PDE1C: variants seen among roughly 807,000 people sequenced by gnomAD.
The protein encoded by PDE1C is dual specificity calcium/calmodulin-dependent 3',5'-cyclic nucleotide phosphodiesterase 1C.
In PDE1C, 62 loss-of-function variants were observed where a neutral mutation model predicts 93.1. The ratio of observed to expected loss-of-function variants is 0.67; its 90% CI spans 0.54 to 0.82. PDE1C has a LOEUF of 0.82. Ranked by LOEUF, PDE1C falls within the 40% of genes least tolerant of loss-of-function variation. The pLI, the probability that PDE1C is intolerant of heterozygous loss-of-function variation, is 0.00. For synonymous variants in PDE1C, 325 were observed against 310.1 expected (o/e 1.05, Z -0.50); for missense variants, 742 against 884.6 (o/e 0.84, Z 2.04).
chr7:32,148,985 A>T (rs1271140660), intron 3 of PDE1C, among the ~76,000 whole-genome samples: 2 of 152,250 alleles, frequency 1.3e-5, no homozygotes, highest in African/African-American at 4.8e-5. Context: ...AGAAAAGTTC[A>T]TCGCTATGTG....
At chr7:31,982,863 T>C (rs1471546171) in intron 2 of PDE1C, among the ~76,000 whole-genome samples, 1 of 152,180 alleles carries the variant, frequency 6.6e-6, no homozygotes, top group Non-Finnish European at 1.5e-5. Flanking sequence ...TTTGAGAAAT[T>C]TGCATAAACT....
chr7:31,788,651 T>C (rs890574251), intron 16 of PDE1C: 10 of 152,250 alleles, frequency 6.6e-5, no homozygotes, highest in Non-Finnish European at 4.4e-5. Context: ...TGGCTTGCTT[T>C]ATTCATTTAC....
At chr7:31,880,705 T>G in intron 3 of PDE1C, 42 bp downstream of exon 3, 1 of 1,199,240 alleles carries the variant, frequency 8.3e-7, no homozygotes, top group East Asian at 2.4e-5. Flanking sequence ...AAGAGAAAAT[T>G]TACTATCACT....
At chr7:31,973,724 A>G (rs1004677356) in intron 2 of PDE1C, among the ~76,000 whole-genome samples, 4 of 152,196 alleles carry the variant, frequency 2.6e-5, no homozygotes, top group South Asian at 2.1e-4. Flanking sequence ...AACTTGCCCA[A>G]GGTCACACAG....
intron 2 of PDE1C, among the ~76,000 whole-genome samples, chr7:31,940,665 C>G (rs1297165546): frequency 6.7e-6 from 1 of 149,706 alleles, no homozygotes; most frequent in African/African-American, 2.5e-5. Context: ...TGAAGGGCAA[C>G]AAGCCCCCTG....
chr7:32,400,684 T>A (rs1362891923), intron 1 of PDE1C, among the ~76,000 whole-genome samples: 1 of 152,234 alleles, frequency 6.6e-6, no homozygotes, highest in Non-Finnish European at 1.5e-5. Flanking sequence ...TGCTCTGACA[T>A]TTATGATTTT....
At position 31,852,439 on chromosome 7, in the gene PDE1C, A is replaced by G. The variant is rs116298693; in HGVS notation, c.751-1698T>C. Among the ~76,000 whole-genome samples, 348 of 152,362 alleles carry G rather than the reference A, an allele frequency of 2.3e-3. 1 individual carries two copies. The highest frequency in any genetic ancestry group is 8.1e-3 in the African/African-American group (337 of 41,586). ...AGATGAAAAAAAGATGGGCAAGATAAGGAAAGATTGCAAGAAAAATCAAAG... is the reference window on the plus strand; with the variant it reads ...AGATGAAAAAAAGATGGGCAAGATAGGGAAAGATTGCAAGAAAAATCAAAG... On this transcript the variant is annotated intron_variant, in intron 7 of 17. Coordinates refer to ENST00000396191, the MANE Select transcript of PDE1C (RefSeq NM_001191057.4).
At chr7:32,184,610 G>A (rs1033409930) in intron 2 of PDE1C, among the ~76,000 whole-genome samples, 17 of 152,198 alleles carry the variant, frequency 1.1e-4, no homozygotes, top group African/African-American at 4.1e-4. Context: ...GAGAACACAT[G>A]GACACAGGAA....
chr7:32,037,678 T>G (rs972491036), intron 2 of PDE1C, among the ~76,000 whole-genome samples: 1 of 152,226 alleles, frequency 6.6e-6, no homozygotes, highest in African/African-American at 2.4e-5. Flanking sequence ...TATGACTTTG[T>G]ACCTTTGTCA....
At chr7:32,205,570 G>T (rs1027520594) in intron 2 of PDE1C, among the ~76,000 whole-genome samples, 2 of 150,524 alleles carry the variant, frequency 1.3e-5, no homozygotes, top group Non-Finnish European at 3.0e-5. Flanking sequence ...CAGGATGTGG[G>T]TGGAGCCAAA....
chr7:31,737,915 C>G, the PDE1C span, among the ~76,000 whole-genome samples: 151,679 of 152,262 alleles, frequency 1, 75,554 homozygotes, highest in East Asian at 1. Flanking sequence ...CTGTTTGCCT[C>G]AAAGGACTGT....
chr7:32,271,906 ACTGGGCTGTCTTGCTTAGGAACTC>A (rs1810991265), intron 1 of PDE1C, among the ~76,000 whole-genome samples: 1 of 152,156 alleles, frequency 6.6e-6, no homozygotes, highest in South Asian at 2.1e-4. Context: ...GGGGAGATAA[ACTGGGCTGTCTTGCTTAGGAACTC>A]CTGGGGTGTT....
At chr7:31,779,875 G>T (rs189267278) in intron 16 of PDE1C, among the ~76,000 whole-genome samples, 31 of 152,120 alleles carry the variant, frequency 2.0e-4, no homozygotes, top group African/African-American at 6.7e-4. Flanking sequence ...AAAGCCCTTC[G>T]CACTTCACCC....
intron 17 of PDE1C, among the ~76,000 whole-genome samples, chr7:31,754,120 G>A (rs4723100): frequency 0.96 from 146,508 of 152,328 alleles, 70,691 homozygotes; most frequent in East Asian, 1. Context: ...CAAGGAAGAT[G>A]TATGTGTCAA....
the PDE1C span, among the ~76,000 whole-genome samples, chr7:31,671,318 G>A: frequency 2.6e-5 from 4 of 152,166 alleles, no homozygotes; most frequent in Admixed American, 6.5e-5. Context: ...GCACCCAAAA[G>A]TGCTCACCCT....
At chr7:31,898,061 T>TG in intron 2 of PDE1C, among the ~76,000 whole-genome samples, 1 of 145,652 alleles carries the variant, frequency 6.9e-6, no homozygotes, top group Non-Finnish European at 1.5e-5. Flanking sequence ...TGTGTGTGTG[T>TG]TTACTATACT....
chr7:31,945,508 G>A (rs954419879), intron 2 of PDE1C, among the ~76,000 whole-genome samples: 29 of 151,972 alleles, frequency 1.9e-4, no homozygotes, highest in Admixed American at 3.3e-4. Flanking sequence ...AATTCTAGAT[G>A]GGTAATTTCT....
At chr7:31,633,581 C>T in the PDE1C span, among the ~76,000 whole-genome samples, 2,070 of 152,268 alleles carry the variant, frequency 0.014, 56 homozygotes, top group African/African-American at 0.047. Context: ...TTCACACTAC[C>T]GCCCATTGTC....
chr7:32,115,154 A>G (rs1027497765), intron 3 of PDE1C, among the ~76,000 whole-genome samples: 5 of 152,062 alleles, frequency 3.3e-5, no homozygotes, highest in African/African-American at 1.2e-4. Context: ...ATTATAAATA[A>G]ACACGCCCAC....
Sources: allele counts gnomAD v4.1 joint callset (sites outside exome capture counted in the v4.1 genomes callset), GRCh38; gene constraint gnomAD v4.1.1; transcripts MANE v1.5; gene names NCBI Gene and HGNC (gene_info 2026-07-23, HGNC 2026-07-21).